The following KIF27 variants were observed in gnomAD, a reference collection of about 807,000 sequenced individuals.
KIF27 encodes the protein kinesin-like protein KIF27.
Under a neutral mutation model 141.8 loss-of-function variants are expected in KIF27, and 84 were observed. The observed-to-expected ratio is 0.59, with a 90% CI of 0.50 to 0.71. The LOEUF (loss-of-function observed/expected upper bound fraction) is 0.71, where lower values mean the gene tolerates loss of function less well. Ranked by LOEUF, KIF27 falls within the 30% of genes least tolerant of loss-of-function variation. The pLI, the probability that KIF27 is intolerant of heterozygous loss-of-function variation, is 0.00. For synonymous variants in KIF27, 471 were observed against 569.5 expected (o/e 0.83, Z 2.46); for missense variants, 1,306 against 1,628.4 (o/e 0.80, Z 3.41).
Position 83,917,431 on chromosome 9 carries a change from C to G in KIF27, c.-87-1753G>C, listed in dbSNP as rs1046493448. Among the ~76,000 whole-genome samples the G allele has an allele frequency of 3.3e-5, 5 of 152,260 alleles. No individual in the cohort carries two copies. In the South Asian group the frequency reaches 1.0e-3, roughly 32 times the overall value. On this transcript the variant is annotated intron_variant, in intron 1 of 17. Coordinates refer to ENST00000297814, the MANE Select transcript of KIF27 (RefSeq NM_017576.4). The stretch of plus-strand genomic sequence containing the variant: ...CTCAATGCAATACCTATCAAAATGT[C>G]AGCTGACTTAGTTGCAGAAATTGAC...
intron 12 of KIF27, among the ~76,000 whole-genome samples, chr9:83,868,771 G>C (rs1950554667): frequency 2.0e-5 from 3 of 152,004 alleles, no homozygotes; most frequent in African/African-American, 7.3e-5. Context: ...ATATATATGA[G>C]AAAAAGAGAG....
chr9:83,851,654 C>T (rs1019802294), intron 15 of KIF27, among the ~76,000 whole-genome samples: 1 of 152,180 alleles, frequency 6.6e-6, no homozygotes, highest in Non-Finnish European at 1.5e-5. Flanking sequence ...CCACACCCAG[C>T]CATGTTATGC....
intron 13 of KIF27, among the ~76,000 whole-genome samples, chr9:83,865,331 CTT>C (rs1423681735): frequency 1.3e-5 from 2 of 151,970 alleles, no homozygotes; most frequent in East Asian, 1.9e-4. Flanking sequence ...GAGTTTTGCT[CTT>C]GTCACCCAGA....
chr9:83,895,183 A>G (rs1333621472), intron 5 of KIF27, among the ~76,000 whole-genome samples: 1 of 150,942 alleles, frequency 6.6e-6, no homozygotes, highest in Admixed American at 6.6e-5. Context: ...AATGGCATGA[A>G]CCCAGGAGGC....
intron 8 of KIF27, 130 bp downstream of exon 8, chr9:83,888,359 C>A: frequency 2.3e-6 from 1 of 430,698 alleles, no homozygotes; most frequent in Non-Finnish European, 4.2e-6. Context: ...GAAGTTCTAC[C>A]AACTAGGAAA....
chr9:83,865,612 T>C (rs140585640), intron 13 of KIF27, among the ~76,000 whole-genome samples: 1,548 of 152,302 alleles, frequency 0.01, 26 homozygotes, highest in African/African-American at 0.035. Context: ...TCCAACCCTT[T>C]TAATTTCCAA....
At chr9:83,858,286 T>C (rs1949490250) in intron 14 of KIF27, 2 of 152,204 alleles carry the variant, frequency 1.3e-5, no homozygotes, top group Admixed American at 1.3e-4. Context: ...TCTAATGTTA[T>C]CCTTGCTCCT....
At position 83,850,146 on chromosome 9, in the gene KIF27, T is replaced by A. The variant is rs201858465; in HGVS notation, c.3509A>T (p.Gln1170Leu). ...LQCDRRLTLQ[Q>L]KEHEQKMQLL... ...CTGCATCTTTTGTTCGTGTTCCTTT[T>A]GCTGGAGGGTCAGTCTCCGGTCACA... The change falls in exon 16 of 18, where the codon CAA becomes CTA. Residue 1170 changes from glutamine (Q) to leucine (L), a missense_variant. By Grantham distance (113) the Gln-to-Leu change is moderately radical. This residue lies in a region of KIF27 where 596 missense variants were observed against 751.6 expected (regional missense o/e 0.79). Coordinates refer to ENST00000297814, the MANE Select transcript of KIF27 (RefSeq NM_017576.4). 4.3e-6 allele frequency: 7 copies of A among 1,613,858 alleles called. No individual in the cohort carries two copies. The highest frequency in any genetic ancestry group is 5.1e-6 in the Non-Finnish European group (6 of 1,179,852).
At chr9:83,918,824 C>T (rs1955963538) in intron 1 of KIF27, among the ~76,000 whole-genome samples, 1 of 152,058 alleles carries the variant, frequency 6.6e-6, no homozygotes, top group Admixed American at 6.5e-5. Context: ...ACCTGTAATC[C>T]CAGCATTTTG....
intron 10 of KIF27, among the ~76,000 whole-genome samples, chr9:83,880,729 T>G (rs991442380): frequency 2.0e-5 from 3 of 152,250 alleles, no homozygotes; most frequent in African/African-American, 7.2e-5. Context: ...CTTCCTGATG[T>G]GGACAACAAA....
At chr9:83,881,235 CACT>C (rs942702625) in intron 10 of KIF27, among the ~76,000 whole-genome samples, 10 of 152,052 alleles carry the variant, frequency 6.6e-5, no homozygotes, top group African/African-American at 2.4e-4. Flanking sequence ...GTGTTCACAC[CACT>C]AATATAAAAT....
At chr9:83,867,143 A>C (rs1950429682) in intron 13 of KIF27, among the ~76,000 whole-genome samples, 1 of 151,994 alleles carries the variant, frequency 6.6e-6, no homozygotes, top group South Asian at 2.1e-4. Flanking sequence ...CACTTAACAT[A>C]GGTTTTCAAG....
At chr9:83,874,047 G>A (rs1423183581) in intron 11 of KIF27, among the ~76,000 whole-genome samples, 36 of 112,638 alleles carry the variant, frequency 3.2e-4, no homozygotes, top group Middle Eastern at 4.2e-3. Context: ...GAGAGACTCC[G>A]TGTCAAAAAA....
chr9:83,853,573 T>G (rs1370367964), intron 15 of KIF27, 56 bp downstream of exon 15: 2 of 1,151,272 alleles, frequency 1.7e-6, no homozygotes, highest in African/African-American at 1.5e-5. Flanking sequence ...AAATATAGGA[T>G]GTAAGCATCT....
chr9:83,902,468 G>A (rs1954020239), intron 4 of KIF27, among the ~76,000 whole-genome samples: 1 of 152,144 alleles, frequency 6.6e-6, no homozygotes, highest in Non-Finnish European at 1.5e-5. Context: ...GTGGGGAAAT[G>A]TAAATCTGAA....
At chr9:83,840,091 G>C (rs1386769957) in intron 17 of KIF27, among the ~76,000 whole-genome samples, 1 of 152,052 alleles carries the variant, frequency 6.6e-6, no homozygotes, top group African/African-American at 2.4e-5. Flanking sequence ...AACAAACCTT[G>C]TTTCATGTCA....
At chr9:83,848,013 CAT>C (rs1252288800) in intron 16 of KIF27, 7 of 139,242 alleles carry the variant, frequency 5.0e-5, no homozygotes, top group Middle Eastern at 4.1e-3. Flanking sequence ...ATCTATATAT[CAT>C]ATATGCTATA....
In KIF27 at chr9:83,850,173, T is replaced by C; in HGVS notation, c.3482A>G (p.Gln1161Arg). The change falls in exon 16 of 18, where the codon CAG becomes CGG. Residue 1161 changes from glutamine to arginine, a missense_variant. Coordinates refer to ENST00000297814, the MANE Select transcript of KIF27 (RefSeq NM_017576.4). The part of the protein sequence containing the change: ...LESALDHLKL[Q>R]CDRRLTLQQK... Reference sequence around the variant, plus strand: ...CTGGAGGGTCAGTCTCCGGTCACACTGCAATTTTAGATGGTCCAGTGCAGA... The same window carrying C: ...CTGGAGGGTCAGTCTCCGGTCACACCGCAATTTTAGATGGTCCAGTGCAGA... 2 of 1,613,812 alleles carry C rather than the reference T, an allele frequency of 1.2e-6. No homozygotes were observed. Among genetic ancestry groups the C allele is most frequent in the South Asian group, 1.1e-5 (1 of 91,078 alleles).
At chr9:83,865,456 C>T (rs1430701666) in intron 13 of KIF27, among the ~76,000 whole-genome samples, 1 of 152,030 alleles carries the variant, frequency 6.6e-6, no homozygotes, top group Admixed American at 6.6e-5. Context: ...ACAACCACGC[C>T]TGGCTAATTT....
Sources: gnomAD v4.1 joint callset for allele counts (sites outside exome capture counted in the v4.1 genomes callset) on GRCh38, gnomAD v4.1.1 for gene constraint, gnomAD v4.1.1 regional missense constraint, MANE v1.5 for transcripts, NCBI Gene and HGNC (gene_info 2026-07-23, HGNC 2026-07-21) for gene names.